MAGI1: variants seen among roughly 807,000 people sequenced by gnomAD.
MAGI1 encodes the protein membrane-associated guanylate kinase, WW and PDZ domain-containing protein 1.
A neutral mutation model predicts 139.9 loss-of-function variants in MAGI1; 58 were observed. The ratio of observed to expected loss-of-function variants is 0.41; its 90% CI spans 0.34 to 0.52. MAGI1 has a LOEUF of 0.52. Ranked by LOEUF, MAGI1 falls within the 20% of genes least tolerant of loss-of-function variation. The probability of loss-of-function intolerance (pLI) is 0.12; values close to 1 mark genes in which losing one functional copy is unlikely to be tolerated. For synonymous variants in MAGI1, 812 were observed against 737.9 expected, an observed-to-expected ratio of 1.10 and a Z score of -1.63; for missense variants, 1,874 against 1,901.6, an observed-to-expected ratio of 0.99 and a Z score of 0.27.
chr3:65,445,141 T>G (rs575204965), intron 7 of MAGI1, among the ~76,000 whole-genome samples: 1 of 152,324 alleles, frequency 6.6e-6, no homozygotes, highest in African/African-American at 2.4e-5. Flanking sequence ...TCACAGAGAT[T>G]TGAAGTGGCT....
chr3:65,501,222 T>A (rs561075017), intron 2 of MAGI1, among the ~76,000 whole-genome samples: 13 of 152,278 alleles, frequency 8.5e-5, no homozygotes, highest in African/African-American at 3.1e-4. Flanking sequence ...GGCACATATC[T>A]ATAATCCCAG....
chr3:65,395,542 T>C (rs888114855), intron 13 of MAGI1, among the ~76,000 whole-genome samples: 3 of 147,882 alleles, frequency 2.0e-5, no homozygotes, highest in Non-Finnish European at 4.5e-5. Flanking sequence ...CTTGGGAGGC[T>C]GATGCACGAG....
chr3:65,949,785 T>G (rs1576214708), intron 1 of MAGI1, among the ~76,000 whole-genome samples: 1 of 152,174 alleles, frequency 6.6e-6, no homozygotes, highest in African/African-American at 2.4e-5. Context: ...TCCAGTTTTA[T>G]ATTTAAACTA....
rs1235630795 is a variant in MAGI1, at chr3:65,453,241, C to G, written c.1042+17G>C. On this transcript the variant is annotated intron_variant, in intron 6 of 22. Transcript: ENST00000402939. ...TGCCCCCAATTCACTTAACCCAAGA[C>G]CTGCCTGGCCCCTTACCATCATCTT... 5.0e-6 allele frequency: 8 copies of G among 1,613,194 alleles called. No individual in the cohort carries two copies. The South Asian group carries it at 8.8e-5, about 18-fold the overall frequency.
chr3:65,554,993 GGATT>G (rs1207321586), intron 2 of MAGI1, among the ~76,000 whole-genome samples: 2 of 152,154 alleles, frequency 1.3e-5, no homozygotes, highest in African/African-American at 4.8e-5. Flanking sequence ...AATAGTACAT[GGATT>G]AGTTAATAGC....
chr3:65,487,043 C>T (rs1249492601), intron 3 of MAGI1, among the ~76,000 whole-genome samples: 1 of 152,188 alleles, frequency 6.6e-6, no homozygotes. Flanking sequence ...CTATTTACCA[C>T]CACCATCACC....
chr3:65,477,894 T>C (rs865942106), intron 4 of MAGI1, among the ~76,000 whole-genome samples: 3 of 151,636 alleles, frequency 2.0e-5, no homozygotes, highest in African/African-American at 2.4e-5. Flanking sequence ...CCAAAGGCCT[T>C]GTCCTTGAAA....
chr3:65,439,742 C>T (rs183101221), intron 9 of MAGI1, 137 bp downstream of exon 9: 88 of 1,524,470 alleles, frequency 5.8e-5, no homozygotes, highest in Admixed American at 5.3e-4. Context: ...TCTTCCTCCC[C>T]ACAGGACATC....
At chr3:65,614,615 C>T (rs2083279009) in intron 2 of MAGI1, among the ~76,000 whole-genome samples, 1 of 152,014 alleles carries the variant, frequency 6.6e-6, no homozygotes, top group Non-Finnish European at 1.5e-5. Flanking sequence ...AGATAAGTTA[C>T]TCAGCCTCTC....
At chr3:65,379,193 A>G (rs766927831) in intron 17 of MAGI1, 68 bp downstream of exon 17, 1 of 1,602,128 alleles carries the variant, frequency 6.2e-7, no homozygotes, top group Non-Finnish European at 8.5e-7. Flanking sequence ...GTCAGCTTTC[A>G]CTCGCAAGAG....
intron 1 of MAGI1, among the ~76,000 whole-genome samples, chr3:65,839,897 A>G (rs2058748249): frequency 6.6e-6 from 1 of 152,228 alleles, no homozygotes; most frequent in South Asian, 2.1e-4. Flanking sequence ...AATATATGCA[A>G]TGAGGTATCT....
intron 12 of MAGI1, among the ~76,000 whole-genome samples, chr3:65,409,392 C>T (rs1475044670): frequency 6.6e-6 from 1 of 151,926 alleles, no homozygotes; most frequent in African/African-American, 2.4e-5. Context: ...GAATGGCTAG[C>T]ATTTAATCGT....
At chr3:65,555,804 C>A (rs976310709) in intron 2 of MAGI1, among the ~76,000 whole-genome samples, 1 of 152,086 alleles carries the variant, frequency 6.6e-6, no homozygotes, top group Non-Finnish European at 1.5e-5. Flanking sequence ...CTACAGTGAG[C>A]CATGTTCATG....
At chr3:65,740,789 T>C (rs947970357) in intron 1 of MAGI1, among the ~76,000 whole-genome samples, 4 of 152,168 alleles carry the variant, frequency 2.6e-5, no homozygotes, top group African/African-American at 9.7e-5. Context: ...ATTTAAAAAT[T>C]TAAGGCACAT....
At chr3:65,821,197 A>C (rs569016094) in intron 1 of MAGI1, among the ~76,000 whole-genome samples, 1 of 152,280 alleles carries the variant, frequency 6.6e-6, no homozygotes, top group African/African-American at 2.4e-5. Flanking sequence ...GTAGAACTCA[A>C]GGAAACAAAG....
At chr3:65,728,776 A>T (rs554990589) in intron 1 of MAGI1, among the ~76,000 whole-genome samples, 245 of 151,326 alleles carry the variant, frequency 1.6e-3, no homozygotes, top group Non-Finnish European at 3.0e-3. Context: ...CTTTTTTTAA[A>T]AAATCTTAAA....
intron 1 of MAGI1, among the ~76,000 whole-genome samples, chr3:65,631,637 T>C (rs950026666): frequency 6.6e-6 from 1 of 152,208 alleles, no homozygotes; most frequent in African/African-American, 2.4e-5. Flanking sequence ...AAAGATCATA[T>C]TAGCTTTCCT....
chr3:65,652,107 G>C (rs2085618282), intron 1 of MAGI1, among the ~76,000 whole-genome samples: 1 of 152,078 alleles, frequency 6.6e-6, no homozygotes, highest in Non-Finnish European at 1.5e-5. Flanking sequence ...GTTAAAATGA[G>C]TTTTATTATC....
chr3:65,962,280 G>A (rs927541852), intron 1 of MAGI1, among the ~76,000 whole-genome samples: 10 of 151,564 alleles, frequency 6.6e-5, no homozygotes, highest in Middle Eastern at 6.8e-3. Context: ...CACCATGCCC[G>A]GCTAATTTTT....
Sources: allele counts gnomAD v4.1 joint callset (sites outside exome capture counted in the v4.1 genomes callset), GRCh38; gene constraint gnomAD v4.1.1; transcripts MANE v1.5; gene names NCBI Gene and HGNC (gene_info 2026-07-23, HGNC 2026-07-21).